ITFG2: variants seen among roughly 807,000 people sequenced by gnomAD.
The protein encoded by ITFG2 is integrin alpha FG-GAP repeat containing 2, also known as KICSTOR complex protein ITFG2.
ITFG2 carries 36 observed loss-of-function variants against 54.4 expected under a neutral mutation model. The observed-to-expected ratio is 0.66, with a 90% CI of 0.51 to 0.87. The LOEUF (loss-of-function observed/expected upper bound fraction) is 0.87. Among genes scored for constraint, ITFG2 ranks in the 40% least tolerant of loss-of-function variants. The pLI is 0.00. For synonymous variants in ITFG2, 211 were observed against 225.4 expected (o/e 0.94, Z 0.57); for missense variants, 524 against 576.7 (o/e 0.91, Z 0.94).
At chr12:2,839,936 G>C (rs544062038) in intron 1 of ITFG2, among the ~76,000 whole-genome samples, 1 of 152,298 alleles carries the variant, frequency 6.6e-6, no homozygotes, top group Admixed American at 6.5e-5. Context: ...GGGAACAACA[G>C]ACACTGGAGA....
intron 2 of ITFG2, 139 bp from the exon 3 acceptor site, chr12:2,817,770 C>A: frequency 1.3e-6 from 1 of 773,538 alleles, no homozygotes; most frequent in Non-Finnish European, 2.1e-6. Context: ...TTAATAAAGA[C>A]CATCACCATG....
chr12:2,818,026 G>A, intron 3 of ITFG2, 76 bp downstream of exon 3: 1 of 1,609,294 alleles, frequency 6.2e-7, no homozygotes, highest in Non-Finnish European at 8.5e-7. Flanking sequence ...CTTCAGCTCT[G>A]ACCTCTGTGA....
Position 2,812,796 on chromosome 12 carries a change from G to A in ITFG2, c.36G>A (p.Leu12=). The A allele has an allele frequency of 6.2e-7, 1 of 1,612,712 alleles. No individual in the cohort carries two copies. Among genetic ancestry groups the A allele is most frequent in the East Asian group, 2.2e-5 (1 of 44,826 alleles). ...TTAGCTACGTGCAGCGCGTGGCGCT[G>A]GAGTTCAGCGGGAGCCTCTTCCCGC... ...RSVSYVQRVA[L]EFSGSLFPHA... Residue 12 remains leucine (L), a synonymous_variant, in exon 1 of 12, where the codon CTG becomes CTA. Coordinates refer to ENST00000228799, the MANE Select transcript of ITFG2 (RefSeq NM_018463.4).
rs141476665 is a variant in ITFG2 at position 2,817,149 on chromosome 12, A to G, written c.97-74A>G. ...TGAGGTCTTGTGATTACCCTTGGCT[A>G]GGCTAAGTAGAGAAGAGCTTGAAGA... On this transcript the variant is annotated intron_variant, in intron 1 of 11. Transcript: ENST00000228799. 2.2e-4 allele frequency: 206 copies of G among 928,478 alleles called. 2 individuals are homozygous for G. The East Asian group carries it at 4.9e-3, about 22-fold the overall frequency. The allele number at this position is 928,478 out of a possible 1,614,324, so 57.5% of individuals were successfully genotyped here. A position where few individuals can be genotyped will look rare whatever the true frequency, so the allele number is the denominator to read the frequency against.
At chr12:2,840,675 A>G (rs988208332) in intron 1 of ITFG2, among the ~76,000 whole-genome samples, 1 of 151,838 alleles carries the variant, frequency 6.6e-6, no homozygotes, top group African/African-American at 2.4e-5. Flanking sequence ...AGTCCCAGCT[A>G]CTCGGGAGGC....
At chr12:2,855,055 T>C (rs1466634668) in intron 2 of ITFG2, 9 of 1,535,684 alleles carry the variant, frequency 5.9e-6, no homozygotes, top group South Asian at 1.2e-5. Context: ...GGGATAACAG[T>C]GGATGAAGGT....
At chr12:2,857,035 G>A (rs1240439304) in intron 2 of ITFG2, 2 of 702,946 alleles carry the variant, frequency 2.8e-6, no homozygotes, top group South Asian at 3.0e-5. Flanking sequence ...ATTCTTCTGG[G>A]CCTCAGAGCC....
intron 2 of ITFG2, among the ~76,000 whole-genome samples, chr12:2,853,592 G>T (rs928976085): frequency 2.0e-5 from 3 of 150,142 alleles, no homozygotes; most frequent in Non-Finnish European, 4.4e-5. Context: ...TGTTGTTGTT[G>T]TTGTTTTTGT....
In ITFG2 at chr12:2,822,825, C is replaced by G; in HGVS notation, c.980C>G (p.Ala327Gly). 6.2e-7 allele frequency: 1 copy of G among 1,614,188 alleles called. No individual in the cohort carries two copies. Residue 327 changes from alanine (A) to glycine (G), a missense_variant, in exon 10 of 12, where the codon GCC becomes GGC. Physicochemically the swap from Ala to Gly is moderately conservative, Grantham distance 60 (BLOSUM62 0). Transcript: ENST00000228799. ...GGGCATGAGGAGGTAGTTGCATGCG[C>G]CTGGGATGGACAGACATATATCATT... ...GNGHEEVVAC[A>G]WDGQTYIIDH...
chr12:2,827,818 A>G (rs113762274), downstream of ITFG2: 220 of 1,602,860 alleles, frequency 1.4e-4, no homozygotes, highest in Admixed American at 2.0e-4. The surrounding 1 kb of genome is among the most constrained non-coding windows in gnomAD (Gnocchi z 4.0). Flanking sequence ...TAGTCAGAAC[A>G]TCTCTGGGAA....
chr12:2,834,870 TG>T, upstream of ITFG2: 2 of 1,613,444 alleles, frequency 1.2e-6, no homozygotes, highest in Non-Finnish European at 1.7e-6. Context: ...GGCTGCTCGG[TG>T]GGGGCGTCAC....
chr12:2,834,345 G>A (rs1418540493), upstream of ITFG2, among the ~76,000 whole-genome samples: 1 of 152,182 alleles, frequency 6.6e-6, no homozygotes, highest in Non-Finnish European at 1.5e-5. Context: ...GGGTTCCTGT[G>A]TTCCTGTAAG....
At chr12:2,840,635 AC>A (rs1336262735) in intron 1 of ITFG2, among the ~76,000 whole-genome samples, 2 of 151,274 alleles carry the variant, frequency 1.3e-5, no homozygotes, top group African/African-American at 2.4e-5. Context: ...AAATACAAAA[AC>A]TTAGCCGGGC....
rs779501908 is a variant in ITFG2, at chr12:2,821,762, G to T, written c.918G>T (p.Gln306His). The change falls in exon 9 of 12, where the codon CAG becomes CAT. Residue 306 changes from glutamine to histidine, a missense_variant. Coordinates refer to ENST00000228799, the MANE Select transcript of ITFG2 (RefSeq NM_018463.4). ...TGTGGTCAGTGCAGGTGGATCACCA[G>T]CTCTTTGCCCTGGAGAAACTGGATG... ...KLLWSVQVDH[Q>H]LFALEKLDVT... 1.9e-6 allele frequency: 3 copies of T among 1,614,094 alleles called. No homozygotes were observed. The Admixed American group carries it at 5.0e-5, about 27-fold the overall frequency.
At chr12:2,843,500 C>T (rs555681706) in intron 2 of ITFG2, among the ~76,000 whole-genome samples, 29 of 152,294 alleles carry the variant, frequency 1.9e-4, no homozygotes, top group African/African-American at 6.7e-4. Flanking sequence ...ATGGTGAACT[C>T]AGAGGGGCCT....
chr12:2,849,600 G>A, intron 2 of ITFG2: 6 of 1,494,700 alleles, frequency 4.0e-6, no homozygotes, highest in Admixed American at 2.0e-5. Context: ...ACGGGGAAGG[G>A]GAAGGGTGAT....
downstream of ITFG2, chr12:2,827,226 T>C (rs1035668638): frequency 1.2e-6 from 2 of 1,614,118 alleles, no homozygotes; most frequent in Non-Finnish European, 1.7e-6. The surrounding 1 kb of genome is among the most constrained non-coding windows in gnomAD (Gnocchi z 4.0). Context: ...AGGCTCTTGG[T>C]ACAAAGGCAG....
chr12:2,831,461 G>A (rs1203142699), downstream of ITFG2, among the ~76,000 whole-genome samples: 1 of 152,036 alleles, frequency 6.6e-6, no homozygotes, highest in African/African-American at 2.4e-5. Flanking sequence ...GCATGTGCCT[G>A]TAGTCCCAGC....
upstream of ITFG2, among the ~76,000 whole-genome samples, chr12:2,834,181 G>A (rs547196262): frequency 6.6e-6 from 1 of 152,224 alleles, no homozygotes; most frequent in East Asian, 1.9e-4. Context: ...GCCCTGGGAA[G>A]GATGGAGACC....
Sources: allele counts gnomAD v4.1 joint callset (sites outside exome capture counted in the v4.1 genomes callset), GRCh38; gene constraint gnomAD v4.1.1; non-coding constraint Gnocchi (gnomAD v3.1); transcripts MANE v1.5; gene names NCBI Gene and HGNC (gene_info 2026-07-23, HGNC 2026-07-21).